The following GSE1 variants were observed in gnomAD, a reference collection of about 807,000 sequenced individuals.
GSE1 encodes genetic suppressor element 1.
In GSE1, 32 loss-of-function variants were observed where a neutral mutation model predicts 112.6. The ratio of observed to expected loss-of-function variants is 0.28; its 90% CI spans 0.21 to 0.38. The LOEUF is 0.38. GSE1 is among the 10% of genes least tolerant of loss of function. The probability of loss-of-function intolerance (pLI) is 1.00; values close to 1 mark genes in which losing one functional copy is unlikely to be tolerated. For missense variants in GSE1, 2,348 were observed against 1,699.2 expected, an observed-to-expected ratio of 1.38 and a Z score of -6.71; for synonymous variants, 1,115 against 735.6, an observed-to-expected ratio of 1.52 and a Z score of -8.35.
At chr16:85,620,594 C>G (rs1378040283) in intron 1 of GSE1, among the ~76,000 whole-genome samples, 1 of 152,238 alleles carries the variant, frequency 6.6e-6, no homozygotes, top group African/African-American at 2.4e-5. Context: ...CTCTGCCGCC[C>G]GTCGGGAGGG....
chr16:85,603,828 G>C (rs2047569462), intron 1 of GSE1, among the ~76,000 whole-genome samples: 1 of 152,192 alleles, frequency 6.6e-6, no homozygotes, highest in South Asian at 2.1e-4. Flanking sequence ...GTTTTTAATT[G>C]AGGTGAAATT....
chr16:85,333,284 C>T (rs187515838), intron 1 of GSE1, among the ~76,000 whole-genome samples: 1 of 152,266 alleles, frequency 6.6e-6, no homozygotes, highest in Admixed American at 6.5e-5. Context: ...TCCACGCGGG[C>T]CCACCCAGGT....
chr16:85,228,077 C>T (rs552635275), intron 1 of GSE1, among the ~76,000 whole-genome samples: 74 of 152,236 alleles, frequency 4.9e-4, no homozygotes, highest in African/African-American at 1.7e-3. Flanking sequence ...GAGTGGCTCC[C>T]TGGGGACGGG....
intron 1 of GSE1, among the ~76,000 whole-genome samples, chr16:85,561,245 A>G (rs972404611): frequency 4.0e-5 from 6 of 151,814 alleles, no homozygotes; most frequent in Admixed American, 3.9e-4. Flanking sequence ...GGCTACTCTT[A>G]CCCCCCTTGA....
intron 2 of GSE1, among the ~76,000 whole-genome samples, chr16:85,543,563 C>G (rs1415742092): frequency 1.3e-5 from 2 of 152,176 alleles, no homozygotes; most frequent in Non-Finnish European, 2.9e-5. Flanking sequence ...ATCCTGTTGT[C>G]CTGAGTCACA....
At chr16:85,476,345 C>G (rs1187765312) in intron 2 of GSE1, among the ~76,000 whole-genome samples, 1 of 152,166 alleles carries the variant, frequency 6.6e-6, no homozygotes, top group Non-Finnish European at 1.5e-5. Context: ...CCTGCCGAGG[C>G]TGGGTTGACG....
At position 85,673,731 on chromosome 16, in the gene GSE1, T is replaced by G. The variant is rs866891488; in HGVS notation, c.*1192T>G. 2 of 152,206 alleles carry G rather than the reference T, an allele frequency of 1.3e-5. No individual in the cohort carries two copies. Among genetic ancestry groups the G allele is most frequent in the African/African-American group, 4.8e-5 (2 of 41,444 alleles). 9.4% of individuals were successfully genotyped at this position (152,206 alleles called of 1,614,324 possible). A position where few individuals can be genotyped will look rare whatever the true frequency, so the allele number is the denominator to read the frequency against. On this transcript the variant is annotated 3_prime_UTR_variant, in exon 16 of 16. Coordinates refer to ENST00000253458, the MANE Select transcript of GSE1 (RefSeq NM_014615.5). Reference sequence around the variant, plus strand: ...CAAGCTAATAGCAAATATTACCCATTGCTATCAAGGGAGGAGGGGGTAGTC... The same window carrying G: ...CAAGCTAATAGCAAATATTACCCATGGCTATCAAGGGAGGAGGGGGTAGTC...
At chr16:85,245,917 G>A (rs1905607211) in intron 1 of GSE1, among the ~76,000 whole-genome samples, 1 of 151,668 alleles carries the variant, frequency 6.6e-6, no homozygotes, top group South Asian at 2.1e-4. Flanking sequence ...GTCTACGTGT[G>A]TGTGGGGAGG....
chr16:85,281,217 G>T (rs1234744014), intron 1 of GSE1, among the ~76,000 whole-genome samples: 1 of 152,128 alleles, frequency 6.6e-6, no homozygotes, highest in Non-Finnish European at 1.5e-5. Context: ...GACATCCGAG[G>T]CCTGCAGAAG....
chr16:85,482,934 C>T (rs557602655), intron 2 of GSE1, among the ~76,000 whole-genome samples: 2 of 149,926 alleles, frequency 1.3e-5, no homozygotes, highest in South Asian at 2.1e-4. Context: ...GCCAAGATTG[C>T]GCCATTGCAC....
At chr16:85,526,620 G>A (rs965403921) in intron 2 of GSE1, among the ~76,000 whole-genome samples, 1 of 152,236 alleles carries the variant, frequency 6.6e-6, no homozygotes, top group Non-Finnish European at 1.5e-5. Context: ...GTGGAGAGCA[G>A]GGATGGGGAG....
intron 2 of GSE1, among the ~76,000 whole-genome samples, chr16:85,405,094 C>T (rs1264540883): frequency 4.2e-3 from 19 of 4,576 alleles, no homozygotes; most frequent in East Asian, 0.017. Context: ...AGGGCCCCCC[C>T]GGATAATCCT....
intron 2 of GSE1, among the ~76,000 whole-genome samples, chr16:85,476,925 CTTT>C (rs55732128): frequency 1.3e-4 from 15 of 117,792 alleles, no homozygotes; most frequent in Admixed American, 1.8e-4. Context: ...GTATGTGGTT[CTTT>C]TTTTTTTTTT....
In GSE1 at chr16:85,657,569, G is replaced by A. The variant is rs369335619; in HGVS notation, c.1605G>A (p.Pro535=). The change falls in exon 8 of 16, where the codon CCG becomes CCA. Residue 535 remains proline, a synonymous_variant. Transcript: ENST00000253458. ...QHLDMGRPPV[P]AEAEHRPEST... The stretch of plus-strand genomic sequence containing the variant: ...TGGATATGGGCCGGCCCCCGGTGCC[G>A]GCGGAGGCAGAGCACAGGCCGGAGA... The A allele has an allele frequency of 1.7e-5, 27 of 1,569,026 alleles. No homozygotes were observed. Among genetic ancestry groups the A allele is most frequent in the South Asian group, 9.5e-5 (8 of 84,242 alleles).
chr16:85,239,725 C>G (rs1905021698), intron 1 of GSE1, among the ~76,000 whole-genome samples: 1 of 152,186 alleles, frequency 6.6e-6, no homozygotes, highest in Non-Finnish European at 1.5e-5. Context: ...CACAGGGACA[C>G]AGCCAGGGTT....
At chr16:85,225,989 TC>T (rs2075479136) in intron 1 of GSE1, among the ~76,000 whole-genome samples, 1 of 152,152 alleles carries the variant, frequency 6.6e-6, no homozygotes, top group Non-Finnish European at 1.5e-5. Flanking sequence ...AGGCCTCAGT[TC>T]CTGGCCATGT....
chr16:85,440,686 A>G (rs760785369), intron 2 of GSE1, among the ~76,000 whole-genome samples: 6 of 152,094 alleles, frequency 3.9e-5, no homozygotes, highest in Non-Finnish European at 8.8e-5. Flanking sequence ...TACTTTTTTC[A>G]GGTTGGGTAA....
intron 1 of GSE1, among the ~76,000 whole-genome samples, chr16:85,632,421 C>CTACGA (rs1449366170): frequency 6.6e-6 from 1 of 152,202 alleles, no homozygotes; most frequent in African/African-American, 2.4e-5. Flanking sequence ...TATTTTCTCC[C>CTACGA]TACGTCCCCT....
intron 2 of GSE1, among the ~76,000 whole-genome samples, chr16:85,360,943 A>T (rs1345810314): frequency 6.6e-6 from 1 of 152,012 alleles, no homozygotes; most frequent in Non-Finnish European, 1.5e-5. Context: ...GTGCAGACAG[A>T]CACAGACCCT....
Sources: gnomAD v4.1 joint callset for allele counts (sites outside exome capture counted in the v4.1 genomes callset) on GRCh38, gnomAD v4.1.1 for gene constraint, MANE v1.5 for transcripts, NCBI Gene and HGNC (gene_info 2026-07-23, HGNC 2026-07-21) for gene names.